The following ST6GALNAC3 variants were observed in gnomAD, a reference collection of about 807,000 sequenced individuals.
ST6GALNAC3 encodes the protein ST6 N-acetylgalactosaminide alpha-2,6-sialyltransferase 3.
A neutral mutation model predicts 32.7 loss-of-function variants in ST6GALNAC3; 25 were observed. That is an observed-to-expected ratio of 0.76 (90% confidence interval 0.56 to 1.07). The LOEUF is 1.07. Ranked by LOEUF, ST6GALNAC3 falls within the 50% of genes least tolerant of loss-of-function variation. The probability of loss-of-function intolerance (pLI) is 0.00; values close to 1 mark genes in which losing one functional copy is unlikely to be tolerated. For synonymous variants in ST6GALNAC3, 129 were observed against 133.1 expected (o/e 0.97, Z 0.21); for missense variants, 355 against 382.4 (o/e 0.93, Z 0.60).
rs530541601 is a variant in ST6GALNAC3 at position 76,426,029 on chromosome 1, C to T, written c.623+13612C>T. Among the ~76,000 whole-genome samples the T allele has an allele frequency of 2.6e-5, 4 of 151,960 alleles. No individual in the cohort carries two copies. The South Asian group carries it at 8.3e-4, about 32-fold the overall frequency. On this transcript the variant is annotated intron_variant, in intron 3 of 4. Transcript: ENST00000328299. Reference sequence around the variant, plus strand: ...GTTTTGAAAAGCATATATTCTATAACTCAGGATTTCTGGAGTCCCTCCAGA... The same window carrying T: ...GTTTTGAAAAGCATATATTCTATAATTCAGGATTTCTGGAGTCCCTCCAGA...
At chr1:76,298,379 A>G (rs1022237931) in intron 1 of ST6GALNAC3, among the ~76,000 whole-genome samples, 9 of 152,026 alleles carry the variant, frequency 5.9e-5, no homozygotes, top group Admixed American at 3.3e-4. Flanking sequence ...GTGAAATATA[A>G]AATTAGAAAG....
intron 2 of ST6GALNAC3, among the ~76,000 whole-genome samples, chr1:76,406,710 T>C (rs921625200): frequency 2.0e-5 from 3 of 152,020 alleles, no homozygotes; most frequent in African/African-American, 7.2e-5. Context: ...ATATTAAGAA[T>C]AGTGAAAATC....
At chr1:76,146,480 C>G (rs1369718550) in intron 1 of ST6GALNAC3, among the ~76,000 whole-genome samples, 24 of 152,138 alleles carry the variant, frequency 1.6e-4, no homozygotes, top group Admixed American at 1.6e-3. Context: ...CTCCTGTCCT[C>G]TCTGACTTTG....
At chr1:76,436,425 G>C (rs1238462157) in intron 3 of ST6GALNAC3, among the ~76,000 whole-genome samples, 1 of 152,092 alleles carries the variant, frequency 6.6e-6, no homozygotes, top group African/African-American at 2.4e-5. Flanking sequence ...GGTGGTTATT[G>C]AGGTATACTG....
intron 2 of ST6GALNAC3, among the ~76,000 whole-genome samples, chr1:76,336,478 G>A (rs956110911): frequency 6.6e-6 from 1 of 152,124 alleles, no homozygotes; most frequent in Non-Finnish European, 1.5e-5. Flanking sequence ...TCGATTCGGT[G>A]GCATTGATGG....
chr1:76,576,158 C>T (rs566850198), intron 3 of ST6GALNAC3, among the ~76,000 whole-genome samples: 40 of 152,026 alleles, frequency 2.6e-4, no homozygotes, highest in African/African-American at 9.4e-4. Flanking sequence ...TTCTCTGTTC[C>T]TCCCCTAGAA....
chr1:76,567,499 A>G (rs1432857387), intron 3 of ST6GALNAC3, among the ~76,000 whole-genome samples: 1 of 152,220 alleles, frequency 6.6e-6, no homozygotes, highest in Non-Finnish European at 1.5e-5. Context: ...AGACAATGTT[A>G]TAAAGTGTCA....
At chr1:76,488,278 ACTCT>A (rs1660263231) in intron 3 of ST6GALNAC3, among the ~76,000 whole-genome samples, 2 of 151,570 alleles carry the variant, frequency 1.3e-5, no homozygotes, top group Admixed American at 6.6e-5. Flanking sequence ...CTCCACCCCC[ACTCT>A]CTCTCATTTG....
intron 3 of ST6GALNAC3, among the ~76,000 whole-genome samples, chr1:76,571,864 GA>G (rs1665882264): frequency 6.6e-6 from 1 of 151,888 alleles, no homozygotes; most frequent in Non-Finnish European, 1.5e-5. Flanking sequence ...AGAAAATTTA[GA>G]AATTTTAAAA....
At chr1:76,571,850 A>C (rs1184913285) in intron 3 of ST6GALNAC3, among the ~76,000 whole-genome samples, 2 of 152,072 alleles carry the variant, frequency 1.3e-5, no homozygotes, top group Non-Finnish European at 2.9e-5. Flanking sequence ...TTAATTCTTA[A>C]CTAAGAAAAT....
intron 1 of ST6GALNAC3, among the ~76,000 whole-genome samples, chr1:76,120,473 G>A (rs567512902): frequency 6.6e-6 from 1 of 152,314 alleles, no homozygotes; most frequent in African/African-American, 2.4e-5. Flanking sequence ...AATGCCTTAT[G>A]TTAGTGGCAT....
At chr1:76,626,945 A>G (rs1383479644) in intron 3 of ST6GALNAC3, among the ~76,000 whole-genome samples, 1 of 151,934 alleles carries the variant, frequency 6.6e-6, no homozygotes, top group Non-Finnish European at 1.5e-5. Context: ...AAATCTTTTC[A>G]GATGCTTTCA....
chr1:76,507,745 C>A (rs1367064076), intron 3 of ST6GALNAC3, among the ~76,000 whole-genome samples: 1 of 150,588 alleles, frequency 6.6e-6, no homozygotes, highest in Non-Finnish European at 1.5e-5. Flanking sequence ...CATTCCTTTA[C>A]AACTCTTTGT....
intron 2 of ST6GALNAC3, among the ~76,000 whole-genome samples, chr1:76,377,151 A>G (rs1651302643): frequency 6.6e-6 from 1 of 152,214 alleles, no homozygotes. Flanking sequence ...GCACTTCAGA[A>G]GTCATGCAAA....
At chr1:76,440,078 T>A (rs983851464) in intron 3 of ST6GALNAC3, among the ~76,000 whole-genome samples, 1 of 152,242 alleles carries the variant, frequency 6.6e-6, no homozygotes, top group African/African-American at 2.4e-5. Context: ...AGAATATAAT[T>A]ATATTTCGTT....
chr1:76,626,523 T>A (rs1363944388), intron 3 of ST6GALNAC3, among the ~76,000 whole-genome samples: 1 of 151,952 alleles, frequency 6.6e-6, no homozygotes, highest in Non-Finnish European at 1.5e-5. Flanking sequence ...TCCAAGTACA[T>A]CACCACCTTC....
chr1:76,417,280 C>T (rs1225801294), intron 3 of ST6GALNAC3, among the ~76,000 whole-genome samples: 4 of 150,322 alleles, frequency 2.7e-5, no homozygotes, highest in African/African-American at 4.9e-5. Flanking sequence ...TAGATTGTCA[C>T]CTACCAATAT....
chr1:76,082,025 G>T (rs1243095372), intron 1 of ST6GALNAC3, among the ~76,000 whole-genome samples: 2 of 152,198 alleles, frequency 1.3e-5, no homozygotes, highest in Non-Finnish European at 2.9e-5. Context: ...CTTTGTTGAA[G>T]GACTAGTGGG....
At chr1:76,379,097 T>C (rs10782615) in intron 2 of ST6GALNAC3, among the ~76,000 whole-genome samples, 134,174 of 152,150 alleles carry the variant, frequency 0.88, 59,315 homozygotes, top group East Asian at 1. Context: ...GGGGCTTCAC[T>C]GTGTTAGCCA....
Sources: allele counts gnomAD v4.1 joint callset (sites outside exome capture counted in the v4.1 genomes callset), GRCh38; gene constraint gnomAD v4.1.1; transcripts MANE v1.5; gene names NCBI Gene and HGNC (gene_info 2026-07-23, HGNC 2026-07-21).